CAMTA1: variants seen among roughly 807,000 people sequenced by gnomAD.
CAMTA1 encodes the protein calmodulin-binding transcription activator 1.
CAMTA1 carries 27 observed loss-of-function variants against 170.9 expected under a neutral mutation model. The ratio of observed to expected loss-of-function variants is 0.16; its 90% CI spans 0.12 to 0.22. CAMTA1 has a LOEUF of 0.22. Among genes scored for constraint, CAMTA1 ranks in the 10% least tolerant of loss-of-function variants. The pLI is 1.00. For missense variants in CAMTA1, 1,619 were observed against 2,217.2 expected (o/e 0.73, Z 5.42); for synonymous variants, 833 against 891.5 (o/e 0.93, Z 1.17).
intron 3 of CAMTA1, 34 bp from the exon 4 acceptor site, chr1:7,091,269 AT>A: frequency 2.0e-6 from 3 of 1,480,348 alleles, no homozygotes; most frequent in Non-Finnish European, 2.8e-6. Context: ...ATGTGAGCTA[AT>A]TGTTGTTATT....
At chr1:6,879,359 A>G (rs922024756) in intron 3 of CAMTA1, among the ~76,000 whole-genome samples, 2 of 152,154 alleles carry the variant, frequency 1.3e-5, no homozygotes, top group Non-Finnish European at 2.9e-5. Flanking sequence ...GACTTCAGGT[A>G]TTTGATGATA....
chr1:7,686,855 G>A (rs1229554615), intron 11 of CAMTA1, among the ~76,000 whole-genome samples: 1 of 152,042 alleles, frequency 6.6e-6, no homozygotes, highest in African/African-American at 2.4e-5. Flanking sequence ...TATGAAGAAC[G>A]AGAGAGGACA....
chr1:6,904,864 A>C (rs1186171876), intron 3 of CAMTA1, among the ~76,000 whole-genome samples: 1 of 147,682 alleles, frequency 6.8e-6, no homozygotes, highest in Admixed American at 7.0e-5. Flanking sequence ...AACTGCTGGG[A>C]TTACAGGCGT....
intron 5 of CAMTA1, among the ~76,000 whole-genome samples, chr1:7,310,407 C>G (rs1676277555): frequency 6.6e-6 from 1 of 152,154 alleles, no homozygotes; most frequent in Non-Finnish European, 1.5e-5. Context: ...CTAACTGTGC[C>G]ATTGTCTCAC....
At chr1:7,394,134 T>C (rs921570632) in intron 5 of CAMTA1, among the ~76,000 whole-genome samples, 2 of 152,250 alleles carry the variant, frequency 1.3e-5, no homozygotes, top group Non-Finnish European at 2.9e-5. Flanking sequence ...ATGTCTTGGC[T>C]ATTGTGAATA....
At chr1:7,352,855 G>C (rs1450698949) in intron 5 of CAMTA1, among the ~76,000 whole-genome samples, 1 of 152,220 alleles carries the variant, frequency 6.6e-6, no homozygotes, top group Non-Finnish European at 1.5e-5. Context: ...AAGAGCCAGG[G>C]AGCTGGGATG....
At chr1:7,391,696 A>G (rs957109844) in intron 5 of CAMTA1, among the ~76,000 whole-genome samples, 1 of 152,152 alleles carries the variant, frequency 6.6e-6, no homozygotes, top group African/African-American at 2.4e-5. Flanking sequence ...CTGGGAATGA[A>G]TGGCCTGTTT....
At chr1:7,536,710 C>T (rs544355209) in intron 6 of CAMTA1, among the ~76,000 whole-genome samples, 1 of 152,322 alleles carries the variant, frequency 6.6e-6, no homozygotes, top group East Asian at 1.9e-4. Flanking sequence ...GGACGCAGGG[C>T]TTTCTGCACG....
intron 5 of CAMTA1, among the ~76,000 whole-genome samples, chr1:7,380,252 G>T (rs1020677398): frequency 6.6e-6 from 1 of 152,130 alleles, no homozygotes; most frequent in African/African-American, 2.4e-5. Flanking sequence ...TGCCCGGCAC[G>T]TCCCTCTCCT....
chr1:7,132,723 A>G (rs1302832181), intron 4 of CAMTA1, among the ~76,000 whole-genome samples: 4 of 152,168 alleles, frequency 2.6e-5, no homozygotes, highest in Admixed American at 1.3e-4. Flanking sequence ...ATATAGCTAT[A>G]GAGTATTATC....
chr1:7,099,946 A>T (rs912761973), intron 4 of CAMTA1, among the ~76,000 whole-genome samples: 1 of 152,176 alleles, frequency 6.6e-6, no homozygotes, highest in Non-Finnish European at 1.5e-5. Context: ...CAGAGAATCA[A>T]TGTGTCTCCC....
chr1:7,749,855 A>G (rs1429933335), intron 19 of CAMTA1: 10 of 454,326 alleles, frequency 2.2e-5, no homozygotes, highest in Middle Eastern at 3.3e-4. Context: ...CACACCCATC[A>G]CCAGCTACAG....
intron 6 of CAMTA1, among the ~76,000 whole-genome samples, chr1:7,516,602 A>C (rs1166397268): frequency 2.0e-5 from 3 of 152,138 alleles, no homozygotes; most frequent in Non-Finnish European, 2.9e-5. Flanking sequence ...TCAGGATTTC[A>C]TGTTCTTCAT....
At chr1:7,485,289 T>C (rs2093603345) in intron 6 of CAMTA1, among the ~76,000 whole-genome samples, 1 of 152,098 alleles carries the variant, frequency 6.6e-6, no homozygotes, top group South Asian at 2.1e-4. Context: ...TCTCAGGGTG[T>C]GTCAGAGCAG....
At chr1:7,620,288 G>A (rs1428930391) in intron 6 of CAMTA1, among the ~76,000 whole-genome samples, 1 of 152,310 alleles carries the variant, frequency 6.6e-6, no homozygotes, top group East Asian at 1.9e-4. Flanking sequence ...GTGCTGCTGA[G>A]CATCCTCTAT....
chr1:7,744,206 A>G (rs1370219430), intron 16 of CAMTA1, among the ~76,000 whole-genome samples: 1 of 141,272 alleles, frequency 7.1e-6, no homozygotes, highest in Non-Finnish European at 1.5e-5. Context: ...ATCTTGGTTC[A>G]CTGCAACCTC....
At chr1:7,161,636 C>G (rs779345781) in intron 4 of CAMTA1, among the ~76,000 whole-genome samples, 3 of 152,222 alleles carry the variant, frequency 2.0e-5, no homozygotes, top group Non-Finnish European at 4.4e-5. Flanking sequence ...TCTTCCTTGC[C>G]TTTCACCTTC....
At chr1:7,576,752 G>A (rs538669613) in intron 6 of CAMTA1, among the ~76,000 whole-genome samples, 44 of 152,296 alleles carry the variant, frequency 2.9e-4, no homozygotes, top group Admixed American at 1.6e-3. Context: ...CTGCAGCTGA[G>A]GGGAGCAGTA....
chr1:7,147,001 C>G (rs538897613), intron 4 of CAMTA1, among the ~76,000 whole-genome samples: 16 of 152,140 alleles, frequency 1.1e-4, no homozygotes. Context: ...CACGCACACA[C>G]GCACTCAAAC....
Sources: gnomAD v4.1 joint callset for allele counts (sites outside exome capture counted in the v4.1 genomes callset) on GRCh38, gnomAD v4.1.1 for gene constraint, MANE v1.5 for transcripts, NCBI Gene and HGNC (gene_info 2026-07-23, HGNC 2026-07-21) for gene names.